The following LIN54 variants were observed in gnomAD, a reference collection of about 807,000 sequenced individuals.
The protein encoded by LIN54 is lin-54 DREAM MuvB core complex component, also known as protein lin-54 homolog.
A neutral mutation model predicts 78.7 loss-of-function variants in LIN54; 9 were observed. The ratio of observed to expected loss-of-function variants is 0.11; its 90% confidence interval spans 0.07 to 0.20. The LOEUF (loss-of-function observed/expected upper bound fraction) is 0.20, where lower values mean the gene tolerates loss of function less well. Among genes scored for constraint, LIN54 ranks in the 10% least tolerant of loss-of-function variants. The probability of loss-of-function intolerance (pLI) is 1.00; values close to 1 mark genes in which losing one functional copy is unlikely to be tolerated. For synonymous variants in LIN54, 269 were observed against 318.4 expected, an observed-to-expected ratio of 0.84 and a Z score of 1.65; for missense variants, 573 against 889.9, an observed-to-expected ratio of 0.64 and a Z score of 4.53.
At position 82,937,289 on chromosome 4, in the gene LIN54, T is replaced by C. The variant is rs540810389; in HGVS notation, c.1542A>G (p.Pro514=). ...TTCGGGGCCGACTGGCCGACTCTGA[T>C]GGGATTATGCTGTACAGATAGAAAA... is the stretch of plus-strand genomic sequence containing the variant. ...QARLPFNGII[P]SESASRPRKP... is the part of the protein sequence containing the mutation. The change falls in exon 9 of 13, where the codon CCA becomes CCG. Residue 514 remains proline, a synonymous_variant. Coordinates refer to ENST00000340417, the MANE Select transcript of LIN54 (RefSeq NM_194282.4). 2.2e-5 allele frequency: 35 copies of C among 1,592,724 alleles called. No homozygotes were observed. Among genetic ancestry groups the C allele is most frequent in the Non-Finnish European group, 1.8e-5 (21 of 1,160,728 alleles).
upstream of LIN54, among the ~76,000 whole-genome samples, chr4:83,012,299 C>A (rs1729898655): frequency 6.6e-6 from 1 of 151,998 alleles, no homozygotes; most frequent in Non-Finnish European, 1.5e-5. Flanking sequence ...GTGGGCTTCG[C>A]GAGGAAAACG....
chr4:82,992,747 G>A (rs183421453), intron 1 of LIN54, among the ~76,000 whole-genome samples: 175 of 152,008 alleles, frequency 1.2e-3, no homozygotes, highest in Non-Finnish European at 1.9e-3. Context: ...AGGTGTCCCC[G>A]GCCAGGCGTG....
intron 5 of LIN54, among the ~76,000 whole-genome samples, chr4:82,945,292 C>T (rs531493730): frequency 3.9e-5 from 6 of 152,290 alleles, no homozygotes; most frequent in African/African-American, 9.6e-5. Context: ...CAAGGAAACA[C>T]GTAAGCCCTA....
At chr4:82,940,344 T>C (rs1179569911) in intron 5 of LIN54, among the ~76,000 whole-genome samples, 1 of 152,172 alleles carries the variant, frequency 6.6e-6, no homozygotes, top group Non-Finnish European at 1.5e-5. Flanking sequence ...TATACTACTA[T>C]TTCTCATTGC....
chr4:82,985,626 C>T (rs541360126), intron 1 of LIN54, among the ~76,000 whole-genome samples: 13 of 152,296 alleles, frequency 8.5e-5, no homozygotes, highest in African/African-American at 2.2e-4. Context: ...CTGCAACCTC[C>T]GCTTCCTGGG....
chr4:82,985,901 G>A (rs1727091025), intron 1 of LIN54, among the ~76,000 whole-genome samples: 1 of 152,010 alleles, frequency 6.6e-6, no homozygotes, highest in Non-Finnish European at 1.5e-5. Flanking sequence ...CAATCCCCAT[G>A]AAGAAAAAAA....
chr4:83,012,454 C>A (rs1207244139), upstream of LIN54, among the ~76,000 whole-genome samples: 1 of 152,108 alleles, frequency 6.6e-6, no homozygotes, highest in Admixed American at 6.5e-5. Flanking sequence ...CTTGTTGGGT[C>A]GCGCAGTGTG....
chr4:82,929,707 G>A (rs1270081669), intron 12 of LIN54, among the ~76,000 whole-genome samples: 1 of 151,958 alleles, frequency 6.6e-6, no homozygotes, highest in Non-Finnish European at 1.5e-5. Context: ...TTAGGAGGCT[G>A]AGGCAGGAGA....
chr4:82,971,434 T>C (rs1206245371), intron 3 of LIN54, among the ~76,000 whole-genome samples: 1 of 152,180 alleles, frequency 6.6e-6, no homozygotes, highest in Non-Finnish European at 1.5e-5. Context: ...TGGCGGCTCC[T>C]TGGTTAGCCT....
intron 5 of LIN54, among the ~76,000 whole-genome samples, chr4:82,942,406 T>C (rs1015954609): frequency 3.3e-5 from 5 of 152,212 alleles, no homozygotes; most frequent in African/African-American, 1.2e-4. Context: ...TATACATGAA[T>C]TACATCTCAG....
At chr4:82,930,717 T>C (rs1721876751) in intron 12 of LIN54, among the ~76,000 whole-genome samples, 1 of 152,206 alleles carries the variant, frequency 6.6e-6, no homozygotes, top group Non-Finnish European at 1.5e-5. Flanking sequence ...TAGACAGAAA[T>C]TAAGCACAGT....
intron 1 of LIN54, among the ~76,000 whole-genome samples, chr4:82,998,041 C>T (rs1390351300): frequency 7.6e-5 from 2 of 26,376 alleles, no homozygotes; most frequent in African/African-American, 1.9e-4. Flanking sequence ...TATATATACA[C>T]ACACGTATAT....
intron 1 of LIN54, among the ~76,000 whole-genome samples, chr4:82,995,485 A>ATTT (rs1553958258): frequency 5.3e-5 from 5 of 95,046 alleles, no homozygotes; most frequent in Non-Finnish European, 5.9e-5. Context: ...ACACATCCTT[A>ATTT]TCTCTTTTTT....
At chr4:83,005,870 T>C (rs570063921) in intron 1 of LIN54, among the ~76,000 whole-genome samples, 21 of 151,996 alleles carry the variant, frequency 1.4e-4, no homozygotes, top group Middle Eastern at 3.4e-3. Context: ...AGCAAAGACA[T>C]GGAAACAAGC....
intron 2 of LIN54, 127 bp from the exon 3 acceptor site, chr4:82,979,133 T>C (rs1726410652): frequency 3.7e-6 from 2 of 544,782 alleles, no homozygotes. Flanking sequence ...TATATCTGTG[T>C]GTTAATGTTA....
intron 4 of LIN54, among the ~76,000 whole-genome samples, chr4:82,947,277 G>A (rs1190645574): frequency 8.6e-6 from 1 of 116,884 alleles, no homozygotes; most frequent in African/African-American, 3.4e-5. Flanking sequence ...CTGTCACCCA[G>A]GCTGGAGTGC....
chr4:82,985,615 A>G (rs1002732411), intron 1 of LIN54, among the ~76,000 whole-genome samples: 9 of 152,220 alleles, frequency 5.9e-5, no homozygotes, highest in African/African-American at 9.6e-5. Context: ...ATCTCAGCTC[A>G]CTGCAACCTC....
At chr4:82,982,173 C>G (rs1726728833) in intron 2 of LIN54, among the ~76,000 whole-genome samples, 2 of 151,950 alleles carry the variant, frequency 1.3e-5, no homozygotes, top group South Asian at 4.2e-4. Context: ...TCACATATAC[C>G]TTGCTCTCAT....
chr4:82,952,803 T>C (rs1226996192), intron 4 of LIN54, among the ~76,000 whole-genome samples: 1 of 152,188 alleles, frequency 6.6e-6, no homozygotes, highest in African/African-American at 2.4e-5. Flanking sequence ...GGTATTCTGA[T>C]GTATATGCTA....
Sources: allele counts gnomAD v4.1 joint callset (sites outside exome capture counted in the v4.1 genomes callset), GRCh38; gene constraint gnomAD v4.1.1; transcripts MANE v1.5; gene names NCBI Gene and HGNC (gene_info 2026-07-23, HGNC 2026-07-21).